The following TIAM2 variants were observed in gnomAD, a reference collection of about 807,000 sequenced individuals.
TIAM2 encodes the protein TIAM Rac1 associated GEF 2, also known as rho guanine nucleotide exchange factor TIAM2.
Under a neutral mutation model 152.9 loss-of-function variants are expected in TIAM2, and 80 were observed. That is an observed-to-expected ratio of 0.52 (90% CI 0.44 to 0.63). TIAM2 has a LOEUF of 0.63. Among genes scored for constraint, TIAM2 ranks in the 30% least tolerant of loss-of-function variants. The probability of loss-of-function intolerance (pLI) is 0.00; values close to 1 mark genes in which losing one functional copy is unlikely to be tolerated. For missense variants in TIAM2, 1,965 were observed against 2,120.1 expected, an observed-to-expected ratio of 0.93 and a Z score of 1.44; for synonymous variants, 804 against 838.0, an observed-to-expected ratio of 0.96 and a Z score of 0.70.
rs148182797 is a variant in TIAM2 at position 155,061,520 on chromosome 6, G to A, written c.-208-28769G>A. ...GAAAATCTTGAGTCGCGTTGTTTAC[G>A]ATTTATTATAAATGTGCTCATCCCT... On this transcript the variant is annotated intron_variant, in intron 1 of 26. Coordinates refer to ENST00000682666, the MANE Select transcript of TIAM2 (RefSeq NM_012454.4). Among the ~76,000 whole-genome samples the A allele has an allele frequency of 3.3e-4, 50 of 152,218 alleles. No individual in the cohort carries two copies. The East Asian group carries it at 8.1e-3, about 25-fold the overall frequency.
intron 14 of TIAM2, among the ~76,000 whole-genome samples, chr6:155,206,100 C>G (rs1781587950): frequency 6.6e-6 from 1 of 152,144 alleles, no homozygotes; most frequent in African/African-American, 2.4e-5. Flanking sequence ...ACGCACAGTT[C>G]AGGAGGAAGC....
chr6:155,206,334 A>G (rs1050655024), intron 14 of TIAM2, among the ~76,000 whole-genome samples: 1 of 151,724 alleles, frequency 6.6e-6, no homozygotes, highest in Non-Finnish European at 1.5e-5. Flanking sequence ...TGCAACCTCC[A>G]CCTCCCGGGT....
intron 5 of TIAM2, among the ~76,000 whole-genome samples, chr6:155,140,340 G>A (rs1779663293): frequency 6.6e-6 from 1 of 152,174 alleles, no homozygotes; most frequent in Non-Finnish European, 1.5e-5. Context: ...GTGAATCATA[G>A]TCTGAAGCTG....
chr6:155,226,027 C>G (rs1782227326), intron 15 of TIAM2, among the ~76,000 whole-genome samples: 1 of 152,156 alleles, frequency 6.6e-6, no homozygotes, highest in South Asian at 2.1e-4. Flanking sequence ...AACTTTCCTC[C>G]CAGAAGCTAC....
At chr6:155,050,834 C>A (rs896306000) in intron 1 of TIAM2, among the ~76,000 whole-genome samples, 1 of 152,156 alleles carries the variant, frequency 6.6e-6, no homozygotes, top group Admixed American at 6.6e-5. Context: ...TTATTCCTTA[C>A]CCAGATGTCC....
chr6:155,134,655 T>G (rs1779518242), intron 4 of TIAM2, among the ~76,000 whole-genome samples: 1 of 152,142 alleles, frequency 6.6e-6, no homozygotes, highest in African/African-American at 2.4e-5. Flanking sequence ...ATAATGTTAA[T>G]ACTAGCTAGA....
chr6:155,057,017 C>CTTTTTTTTTTTT lies in TIAM2; in HGVS notation c.-208-33254_-208-33243dup, dbSNP rs71023612. ...AGTAGAATGTTCCTCAGTTTTCTTT[C>CTTTTTTTTTTTT]TTTTTTTTTTTTTTTTTTTTTTTTT... is the stretch of plus-strand genomic sequence containing the variant. On this transcript the variant is annotated intron_variant, in intron 1 of 26. Coordinates refer to ENST00000682666, the MANE Select transcript of TIAM2 (RefSeq NM_012454.4). 1.3e-3 allele frequency among the ~76,000 whole-genome samples: 56 copies of CTTTTTTTTTTTT among 43,866 alleles called. 8 individuals carry two copies. Among genetic ancestry groups the CTTTTTTTTTTTT allele is most frequent in the Admixed American group, 2.7e-3 (7 of 2,584 alleles). The allele number at this position is 43,866 out of a possible 152,430, so 28.8% of individuals were successfully genotyped here. A position where few individuals can be genotyped will look rare whatever the true frequency, so the allele number is the denominator to read the frequency against.
chr6:155,015,948 A>AC (rs1279953994), intron 1 of TIAM2, among the ~76,000 whole-genome samples: 2 of 144,040 alleles, frequency 1.4e-5, no homozygotes, highest in African/African-American at 5.3e-5. Flanking sequence ...AAAAACCAAA[A>AC]AAAAAAAAAA....
rs546132197 is a variant in TIAM2 at position 155,090,386 on chromosome 6, T to C, written c.-118+7T>C. ...CCTCCACATTCCTCTGTGGGTAAGT[T>C]TGAGGCACTTGTATATCTCAAAGGC... On this transcript the variant is annotated splice_region_variant and intron_variant, in intron 2 of 26. Transcript: ENST00000682666. 2 of 152,364 alleles carry C rather than the reference T, an allele frequency of 1.3e-5. No individual in the cohort carries two copies. The highest frequency in any genetic ancestry group is 4.8e-5 in the African/African-American group (2 of 41,590). 9.4% of individuals were successfully genotyped at this position (152,364 alleles called of 1,614,324 possible).
At chr6:155,094,924 A>T (rs1342728641) in intron 2 of TIAM2, among the ~76,000 whole-genome samples, 1 of 151,280 alleles carries the variant, frequency 6.6e-6, no homozygotes, top group Non-Finnish European at 1.5e-5. Context: ...TCTGAGTGTG[A>T]CCCCTAATCT....
At chr6:155,045,050 C>CTTTTTTTTTTTTTTT (rs200620585) in intron 1 of TIAM2, among the ~76,000 whole-genome samples, 1 of 132,056 alleles carries the variant, frequency 7.6e-6, no homozygotes, top group African/African-American at 2.8e-5. Context: ...TTTTCTTTTT[C>CTTTTTTTTTTTTTTT]TTTTTTTTTT....
intron 25 of TIAM2, 83 bp from the exon 26 acceptor site, chr6:155,254,336 G>A: frequency 6.5e-7 from 1 of 1,549,258 alleles, no homozygotes; most frequent in African/African-American, 1.3e-5. Context: ...CAGGTGCAAG[G>A]CACAGGAACA....
chr6:155,105,341 AG>A (rs1314378237), intron 2 of TIAM2, among the ~76,000 whole-genome samples: 1 of 150,256 alleles, frequency 6.7e-6, no homozygotes. Context: ...AGTAGAGACG[AG>A]GTTTCACTGT....
Position 155,129,055 on chromosome 6 carries a change from A to G in TIAM2, c.-6-163A>G, listed in dbSNP as rs1583205089. On this transcript the variant is annotated intron_variant, in intron 3 of 26. Coordinates refer to ENST00000682666, the MANE Select transcript of TIAM2 (RefSeq NM_012454.4). This position sits in a 1 kb window ranked among gnomAD's most constrained non-coding sequence, Gnocchi z 4.8. ...TAGCTAATGAGCAGCCTTGCAAAAT[A>G]AGGAGAGCCTGTTCTACTGACTGAC... 2 of 630,916 alleles carry G rather than the reference A, an allele frequency of 3.2e-6. No homozygotes were observed. The highest frequency in any genetic ancestry group is 2.7e-6 in the Non-Finnish European group (1 of 367,164). 39.1% of individuals were successfully genotyped at this position (630,916 alleles called of 1,614,324 possible). A position where few individuals can be genotyped will look rare whatever the true frequency, so the allele number is the denominator to read the frequency against.
At chr6:155,136,645 C>T (rs1223434555) in intron 4 of TIAM2, among the ~76,000 whole-genome samples, 1 of 152,148 alleles carries the variant, frequency 6.6e-6, no homozygotes, top group Non-Finnish European at 1.5e-5. Context: ...GACCTGGGCA[C>T]TTGGCCAGAA....
At chr6:155,076,377 G>A (rs528374530) in intron 1 of TIAM2, among the ~76,000 whole-genome samples, 3 of 152,220 alleles carry the variant, frequency 2.0e-5, no homozygotes, top group East Asian at 1.9e-4. Flanking sequence ...TCATCCTTAC[G>A]AAATAATAGG....
chr6:155,148,492 A>T (rs1053630319), intron 7 of TIAM2, among the ~76,000 whole-genome samples, 158 bp downstream of exon 7: 1 of 151,800 alleles, frequency 6.6e-6, no homozygotes, highest in South Asian at 2.1e-4. Context: ...CATTTTAGGT[A>T]CCTAATGTTT....
intron 2 of TIAM2, among the ~76,000 whole-genome samples, chr6:155,107,985 G>C (rs554234922): frequency 3.3e-5 from 5 of 152,262 alleles, no homozygotes; most frequent in African/African-American, 1.2e-4. Flanking sequence ...CAGAAATAGG[G>C]AGCTTTATTG....
At chr6:155,211,500 A>G (rs1179588589) in intron 15 of TIAM2, among the ~76,000 whole-genome samples, 193 bp downstream of exon 15, 1 of 152,164 alleles carries the variant, frequency 6.6e-6, no homozygotes, top group African/African-American at 2.4e-5. Context: ...TACTAATCGG[A>G]ACCATTTGCT....
Sources: allele counts gnomAD v4.1 joint callset (sites outside exome capture counted in the v4.1 genomes callset), GRCh38; gene constraint gnomAD v4.1.1; non-coding constraint Gnocchi (gnomAD v3.1); transcripts MANE v1.5; gene names NCBI Gene and HGNC (gene_info 2026-07-23, HGNC 2026-07-21).